SKOR2: variants seen among roughly 807,000 people sequenced by gnomAD.
SKOR2 encodes LBX1 corepressor 1-like protein.
In SKOR2, 47 loss-of-function variants were observed where a neutral mutation model predicts 69.1. The ratio of observed to expected loss-of-function variants is 0.68; its 90% CI spans 0.54 to 0.87. The LOEUF (loss-of-function observed/expected upper bound fraction) is 0.87. Ranked by LOEUF, SKOR2 falls within the 40% of genes least tolerant of loss-of-function variation. SKOR2 has a pLI of 0.00. For missense variants in SKOR2, 1,404 were observed against 1,472.2 expected, an observed-to-expected ratio of 0.95 and a Z score of 0.76; for synonymous variants, 717 against 672.6, an observed-to-expected ratio of 1.07 and a Z score of -1.02.
chr18:47,249,216 G>A lies in SKOR2; in HGVS notation c.-33C>T. The A allele has an allele frequency of 6.6e-7, 1 of 1,523,550 alleles. No homozygotes were observed. Among genetic ancestry groups the A allele is most frequent in the Non-Finnish European group, 8.8e-7 (1 of 1,140,710 alleles). The allele number at this position is 1,523,550 out of a possible 1,614,324, so 94.4% of individuals were successfully genotyped here. Reference sequence around the variant, plus strand: ...GCAGAACCCCGGGCCGAGCCCTACAGGTCTGCCTTGGACACTGGAAGGGAA... The same window carrying A: ...GCAGAACCCCGGGCCGAGCCCTACAAGTCTGCCTTGGACACTGGAAGGGAA... On this transcript the variant is annotated 5_prime_UTR_variant, in exon 2 of 9. Transcript: ENST00000425639.
intron 7 of SKOR2, among the ~76,000 whole-genome samples, chr18:47,212,913 A>G (rs2064132158): frequency 6.6e-6 from 1 of 152,176 alleles, no homozygotes; most frequent in African/African-American, 2.4e-5. Context: ...GCAGTGAGCC[A>G]TGATTGCACC....
intron 4 of SKOR2, among the ~76,000 whole-genome samples, chr18:47,231,907 G>A (rs2064201329): frequency 6.6e-6 from 1 of 151,074 alleles, no homozygotes; most frequent in South Asian, 2.1e-4. Flanking sequence ...TTGGGAGGCT[G>A]AGGCGGGAGG....
chr18:47,220,463 A>C (rs2064157959), intron 6 of SKOR2, among the ~76,000 whole-genome samples: 1 of 152,050 alleles, frequency 6.6e-6, no homozygotes, highest in Admixed American at 6.6e-5. Flanking sequence ...TCTGTGAAAA[A>C]TGCCTGCCTG....
chr18:47,223,717 A>G (rs1040013110), intron 6 of SKOR2, among the ~76,000 whole-genome samples: 3 of 152,176 alleles, frequency 2.0e-5, no homozygotes, highest in African/African-American at 7.2e-5. Context: ...AAGCATTTAA[A>G]AAGGCTGAAA....
At chr18:47,244,501 C>T (rs890726367) in intron 4 of SKOR2, among the ~76,000 whole-genome samples, 25 of 152,092 alleles carry the variant, frequency 1.6e-4, no homozygotes, top group African/African-American at 5.6e-4. Context: ...ATGTATTATA[C>T]ATTTTGTGTA....
intron 1 of SKOR2, among the ~76,000 whole-genome samples, chr18:47,249,830 G>A (rs1455796484): frequency 6.6e-6 from 1 of 152,128 alleles, no homozygotes; most frequent in African/African-American, 2.4e-5. Flanking sequence ...TAGATATTTT[G>A]TTACTGTAAT....
chr18:47,243,248 A>C (rs2064256927), intron 4 of SKOR2, among the ~76,000 whole-genome samples: 1 of 152,186 alleles, frequency 6.6e-6, no homozygotes, highest in South Asian at 2.1e-4. Flanking sequence ...CATTCACTGG[A>C]GTACATATAG....
chr18:47,224,100 G>T (rs1406266818), intron 6 of SKOR2, among the ~76,000 whole-genome samples: 1 of 151,790 alleles, frequency 6.6e-6, no homozygotes, highest in Non-Finnish European at 1.5e-5. Context: ...TAGAGATGGG[G>T]TTTCACCATA....
chr18:47,244,986 G>T lies in SKOR2; in HGVS notation c.2678-4C>A, dbSNP rs1362995103. The T allele has an allele frequency of 1.3e-6, 2 of 1,531,004 alleles. No homozygotes were observed. Among genetic ancestry groups the T allele is most frequent in the Non-Finnish European group, 1.7e-6 (2 of 1,144,900 alleles). 94.8% of individuals were successfully genotyped at this position (1,531,004 alleles called of 1,614,324 possible). A position where few individuals can be genotyped will look rare whatever the true frequency, so the allele number is the denominator to read the frequency against. On this transcript the variant is annotated splice_region_variant and splice_polypyrimidine_tract_variant and intron_variant, in intron 3 of 8. Coordinates refer to ENST00000425639, the MANE Select transcript of SKOR2 (RefSeq NM_001278063.4). ...AAGCTATGCTCCTTGTTCTTATCTA[G>T]AACCAAAACAAAACACAAAATCTGC...
Position 47,248,235 on chromosome 18 carries a change from AGTCGTC to A in SKOR2, c.943_948del (p.Asp315_Asp316del). The A allele has an allele frequency of 8.2e-7, 1 of 1,226,064 alleles. No homozygotes were observed. Among genetic ancestry groups the A allele is most frequent in the East Asian group, 3.3e-5 (1 of 30,262 alleles). 75.9% of individuals were successfully genotyped at this position (1,226,064 alleles called of 1,614,324 possible). ...GCCACTACGGCGGCCTCCTGCAAGGAGTCGTCGTCGTCGTCGAAGCGCGGCCGCTTG... is the reference window on the plus strand; with the variant it reads ...GCCACTACGGCGGCCTCCTGCAAGGAGTCGTCGTCGAAGCGCGGCCGCTTG... On this transcript the variant is annotated inframe_deletion, in exon 2 of 9. Coordinates refer to ENST00000425639, the MANE Select transcript of SKOR2 (RefSeq NM_001278063.4). The surrounding 1 kb of genome is among the most constrained non-coding windows in gnomAD (Gnocchi z 6.4).
At chr18:47,243,185 C>T (rs1172424044) in intron 4 of SKOR2, among the ~76,000 whole-genome samples, 1 of 152,114 alleles carries the variant, frequency 6.6e-6, no homozygotes, top group Non-Finnish European at 1.5e-5. Flanking sequence ...CAAGACAGAC[C>T]TAGCAAAGGT....
chr18:47,220,142 A>G, intron 6 of SKOR2, 132 bp from the exon 7 acceptor site: 1 of 654,390 alleles, frequency 1.5e-6, no homozygotes, highest in Non-Finnish European at 2.6e-6. Flanking sequence ...TAGGCAAATT[A>G]TATGCTTGTT....
chr18:47,242,847 A>G (rs1411244386), intron 4 of SKOR2, among the ~76,000 whole-genome samples: 1 of 152,212 alleles, frequency 6.6e-6, no homozygotes, highest in Non-Finnish European at 1.5e-5. Flanking sequence ...ACAATGCACT[A>G]ATTTTAACAA....
intron 6 of SKOR2, among the ~76,000 whole-genome samples, chr18:47,221,583 A>T (rs2064161562): frequency 6.6e-6 from 1 of 152,172 alleles, no homozygotes; most frequent in Non-Finnish European, 1.5e-5. Context: ...TGCAGCAAAC[A>T]ACTGCCTTTT....
Position 47,246,617 on chromosome 18 carries a change from C to G in SKOR2, c.2567G>C (p.Ser856Thr), listed in dbSNP as rs1172194715. 6.6e-7 allele frequency: 1 copy of G among 1,523,084 alleles called. No individual in the cohort carries two copies. The highest frequency in any genetic ancestry group is 2.6e-5 in the East Asian group (1 of 39,000). The allele number at this position is 1,523,084 out of a possible 1,614,324, so 94.3% of individuals were successfully genotyped here. ...CTCCAGTGATGGATGGTGAACTGGG[C>G]TGCCCGGGCTGCTGCTGCCGCCGCC... The part of the protein sequence containing the change: ...ASGGGSSSPG[S>T]PVHHPSLEEQ... The change falls in exon 2 of 9, where the codon AGC becomes ACC. Residue 856 changes from serine (S) to threonine (T), a missense_variant. Coordinates refer to ENST00000425639, the MANE Select transcript of SKOR2 (RefSeq NM_001278063.4).
In SKOR2 at chr18:47,220,107, C is replaced by T. The variant is rs917485663; in HGVS notation, c.2918-97G>A. 56 of 976,578 alleles carry T rather than the reference C, an allele frequency of 5.7e-5. 1 individual carries two copies. The highest frequency in any genetic ancestry group is 7.4e-5 in the Non-Finnish European group (50 of 676,106). The allele number at this position is 976,578 out of a possible 1,614,324, so 60.5% of individuals were successfully genotyped here. A position where few individuals can be genotyped will look rare whatever the true frequency, so the allele number is the denominator to read the frequency against. Reference sequence around the variant, plus strand: ...ATTATTGACAGTCCCATGGACAGCCCCCCTACTTTTAAGTATTTTTTTCAT... The same window carrying T: ...ATTATTGACAGTCCCATGGACAGCCTCCCTACTTTTAAGTATTTTTTTCAT... On this transcript the variant is annotated intron_variant, in intron 6 of 8. Coordinates refer to ENST00000425639, the MANE Select transcript of SKOR2 (RefSeq NM_001278063.4).
intron 4 of SKOR2, among the ~76,000 whole-genome samples, chr18:47,232,733 G>A (rs985711937): frequency 6.6e-6 from 1 of 152,258 alleles, no homozygotes; most frequent in Admixed American, 6.5e-5. Context: ...AGGGTCTGCA[G>A]TTGTTTCTGA....
chr18:47,237,593 A>C (rs2064229613), intron 4 of SKOR2, among the ~76,000 whole-genome samples: 1 of 152,228 alleles, frequency 6.6e-6, no homozygotes, highest in Admixed American at 6.5e-5. Flanking sequence ...TATGGGGTAC[A>C]ATATGAAACT....
chr18:47,250,834 C>A (rs1321675484), intron 1 of SKOR2, among the ~76,000 whole-genome samples: 1 of 152,174 alleles, frequency 6.6e-6, no homozygotes, highest in Non-Finnish European at 1.5e-5. Context: ...CGCAGTGACA[C>A]CCGAGTCTGA....
Sources: gnomAD v4.1 joint callset for allele counts (sites outside exome capture counted in the v4.1 genomes callset) on GRCh38, gnomAD v4.1.1 for gene constraint, Gnocchi (gnomAD v3.1) non-coding constraint, MANE v1.5 for transcripts, NCBI Gene and HGNC (gene_info 2026-07-23, HGNC 2026-07-21) for gene names.